Variants in RPS6KC1 observed in about 807,000 individuals in gnomAD.
The protein encoded by RPS6KC1 is ribosomal protein S6 kinase C1.
In RPS6KC1, 54 loss-of-function variants were observed where a neutral mutation model predicts 103.8. That is an observed-to-expected ratio of 0.52 (90% CI 0.42 to 0.65). RPS6KC1 has a LOEUF of 0.65. Ranked by LOEUF, RPS6KC1 falls within the 30% of genes least tolerant of loss-of-function variation. The pLI, the probability that RPS6KC1 is intolerant of heterozygous loss-of-function variation, is 0.00. For synonymous variants in RPS6KC1, 439 were observed against 438.7 expected, an observed-to-expected ratio of 1.00 and a Z score of -0.01; for missense variants, 1,151 against 1,253.8, an observed-to-expected ratio of 0.92 and a Z score of 1.24.
At chr1:213,509,890 G>A in the RPS6KC1 span, among the ~76,000 whole-genome samples, 4 of 152,108 alleles carry the variant, frequency 2.6e-5, no homozygotes, top group Non-Finnish European at 4.4e-5. Context: ...TTTTATTGAA[G>A]CACATGCTCT....
the RPS6KC1 span, among the ~76,000 whole-genome samples, chr1:213,429,574 C>T: frequency 6.6e-6 from 1 of 152,176 alleles, no homozygotes; most frequent in Non-Finnish European, 1.5e-5. Flanking sequence ...AATTCAGTAT[C>T]ATCACCTCTT....
the RPS6KC1 span, among the ~76,000 whole-genome samples, chr1:213,747,245 T>G: frequency 1.3e-5 from 2 of 152,030 alleles, no homozygotes; most frequent in Non-Finnish European, 2.9e-5. Flanking sequence ...CATATCACAG[T>G]CAACTGGTTC....
chr1:213,854,625 C>A, the RPS6KC1 span, among the ~76,000 whole-genome samples: 6 of 146,148 alleles, frequency 4.1e-5, no homozygotes, highest in African/African-American at 1.5e-4. Flanking sequence ...TTTTATTCAC[C>A]CTCTGATTTA....
intron 7 of RPS6KC1, among the ~76,000 whole-genome samples, chr1:213,170,120 A>G (rs1011389045): frequency 1.3e-5 from 2 of 152,188 alleles, no homozygotes; most frequent in African/African-American, 4.8e-5. Flanking sequence ...AATTACCAGT[A>G]TTCTATTCAT....
At chr1:213,641,081 G>A in the RPS6KC1 span, among the ~76,000 whole-genome samples, 6 of 150,574 alleles carry the variant, frequency 4.0e-5, no homozygotes, top group African/African-American at 1.5e-4. Flanking sequence ...AATATGTAAT[G>A]TCTCTCTTTA....
At chr1:213,278,986 A>G (rs1283146367), downstream of RPS6KC1, among the ~76,000 whole-genome samples, 1 of 152,138 alleles carries the variant, frequency 6.6e-6, no homozygotes, top group East Asian at 1.9e-4. Flanking sequence ...ATGGAAAGCT[A>G]TGCGTATTCT....
chr1:213,826,045 T>C, the RPS6KC1 span, among the ~76,000 whole-genome samples: 1 of 152,238 alleles, frequency 6.6e-6, no homozygotes, highest in Non-Finnish European at 1.5e-5. Context: ...TTATTGGTCA[T>C]CTTCAAAATG....
the RPS6KC1 span, among the ~76,000 whole-genome samples, chr1:213,834,952 TG>T: frequency 6.6e-6 from 1 of 151,318 alleles, no homozygotes; most frequent in Non-Finnish European, 1.5e-5. Flanking sequence ...TGCTGGGAGG[TG>T]GGGGAGAGGG....
At chr1:213,285,502 G>C in the RPS6KC1 span, among the ~76,000 whole-genome samples, 2 of 151,682 alleles carry the variant, frequency 1.3e-5, no homozygotes. Context: ...AAAGTTACCT[G>C]TAGAAATATG....
the RPS6KC1 span, among the ~76,000 whole-genome samples, chr1:213,291,156 C>T: frequency 2.0e-5 from 3 of 152,200 alleles, no homozygotes; most frequent in African/African-American, 7.2e-5. Flanking sequence ...GGTACTCCGG[C>T]AACTAAAAGG....
chr1:213,813,404 C>T, the RPS6KC1 span, among the ~76,000 whole-genome samples: 5 of 151,318 alleles, frequency 3.3e-5, no homozygotes, highest in East Asian at 2.0e-4. Context: ...TGAACAACCC[C>T]GGGCTTCATC....
chr1:213,217,282 T>G (rs1230898964), intron 8 of RPS6KC1, among the ~76,000 whole-genome samples: 1 of 151,860 alleles, frequency 6.6e-6, no homozygotes, highest in East Asian at 1.9e-4. Context: ...AAGAAATGGA[T>G]AAATTCCTTG....
At chr1:213,313,235 T>C in the RPS6KC1 span, among the ~76,000 whole-genome samples, 1 of 152,224 alleles carries the variant, frequency 6.6e-6, no homozygotes, top group Non-Finnish European at 1.5e-5. Flanking sequence ...TTCTACACGA[T>C]GCCTTCAGCC....
At chr1:213,851,470 A>G in the RPS6KC1 span, among the ~76,000 whole-genome samples, 4 of 152,032 alleles carry the variant, frequency 2.6e-5, no homozygotes, top group Non-Finnish European at 4.4e-5. Context: ...CCCTGCCTCC[A>G]TCTTAAATGT....
At chr1:213,292,086 T>C in the RPS6KC1 span, among the ~76,000 whole-genome samples, 3 of 151,358 alleles carry the variant, frequency 2.0e-5, no homozygotes, top group African/African-American at 7.3e-5. Flanking sequence ...AACATCACAC[T>C]CTGGGGACTG....
the RPS6KC1 span, among the ~76,000 whole-genome samples, chr1:213,491,124 A>G: frequency 1.3e-5 from 2 of 152,084 alleles, no homozygotes; most frequent in South Asian, 2.1e-4. Context: ...AGTTGTTAAA[A>G]CGCTACTCTT....
chr1:213,753,056 C>CAGGACACAGGTT, the RPS6KC1 span, among the ~76,000 whole-genome samples: 1 of 152,186 alleles, frequency 6.6e-6, no homozygotes, highest in Non-Finnish European at 1.5e-5. Context: ...CTCCATGCAT[C>CAGGACACAGGTT]AGGACACAGG....
chr1:213,169,511 T>C (rs948233125), intron 7 of RPS6KC1, among the ~76,000 whole-genome samples: 1 of 152,174 alleles, frequency 6.6e-6, no homozygotes, highest in Non-Finnish European at 1.5e-5. Context: ...CATTGTTCTT[T>C]TAATTATATT....
the RPS6KC1 span, among the ~76,000 whole-genome samples, chr1:213,532,574 T>G: frequency 2.0e-5 from 3 of 152,176 alleles, no homozygotes; most frequent in African/African-American, 7.2e-5. Context: ...CTCCCCGTTC[T>G]CCACTGCACC....
Sources: gnomAD v4.1 joint callset for allele counts (sites outside exome capture counted in the v4.1 genomes callset) on GRCh38, gnomAD v4.1.1 for gene constraint, MANE v1.5 for transcripts, NCBI Gene and HGNC (gene_info 2026-07-23, HGNC 2026-07-21) for gene names.